Variants in AOAH observed in about 807,000 individuals in gnomAD.
AOAH encodes the protein acyloxyacyl hydrolase.
AOAH carries 64 observed loss-of-function variants against 92.2 expected under a neutral mutation model. The ratio of observed to expected loss-of-function variants is 0.69; its 90% confidence interval spans 0.57 to 0.86. The LOEUF is 0.86. Among genes scored for constraint, AOAH ranks in the 40% least tolerant of loss-of-function variants. The pLI is 0.00. For missense variants in AOAH, 656 were observed against 694.6 expected (o/e 0.94, Z 0.62); for synonymous variants, 263 against 254.5 (o/e 1.03, Z -0.32).
intron 19 of AOAH, among the ~76,000 whole-genome samples, chr7:36,523,432 T>G (rs1784213320): frequency 6.6e-6 from 1 of 152,220 alleles, no homozygotes; most frequent in Non-Finnish European, 1.5e-5. Context: ...GGTAGGTACC[T>G]GCTCTTCTAA....
intron 1 of AOAH, among the ~76,000 whole-genome samples, chr7:36,717,904 G>T (rs760248959): frequency 1.3e-5 from 2 of 151,180 alleles, no homozygotes; most frequent in Non-Finnish European, 2.9e-5. Context: ...TTAAAATATA[G>T]GTCTTAGATA....
intron 13 of AOAH, among the ~76,000 whole-genome samples, chr7:36,570,263 TA>T (rs11311392): frequency 0.088 from 13,433 of 152,250 alleles, 707 homozygotes; most frequent in Admixed American, 0.14. Flanking sequence ...AATCCGGCAG[TA>T]TTCGTCCTTC....
At chr7:36,610,118 T>C (rs2115849217) in intron 11 of AOAH, among the ~76,000 whole-genome samples, 1 of 121,072 alleles carries the variant, frequency 8.3e-6, no homozygotes, top group South Asian at 2.5e-4. Flanking sequence ...TTTCTTTTTT[T>C]CTTTTTTCTT....
At chr7:36,536,571 G>A (rs1785072243) in intron 16 of AOAH, among the ~76,000 whole-genome samples, 1 of 152,286 alleles carries the variant, frequency 6.6e-6, no homozygotes, top group South Asian at 2.1e-4. Flanking sequence ...TTTGGAGTGA[G>A]AGCAGAAGAG....
chr7:36,556,976 C>G (rs1345548096), intron 13 of AOAH, among the ~76,000 whole-genome samples: 3 of 151,544 alleles, frequency 2.0e-5, no homozygotes, highest in Non-Finnish European at 3.0e-5. Context: ...AGCATTTAGT[C>G]CATTTACATT....
chr7:36,522,238 C>T (rs1784143501), intron 19 of AOAH, 123 bp from the exon 20 acceptor site: 1 of 716,306 alleles, frequency 1.4e-6, no homozygotes. Flanking sequence ...CCACGGCTGC[C>T]TCTGAGCTGC....
At chr7:36,701,256 T>C (rs570291228) in intron 1 of AOAH, among the ~76,000 whole-genome samples, 18 of 152,034 alleles carry the variant, frequency 1.2e-4, no homozygotes, top group African/African-American at 3.6e-4. Context: ...GAATACTTTG[T>C]TGTCATTGAA....
chr7:36,539,573 G>C (rs1014483120), intron 16 of AOAH, among the ~76,000 whole-genome samples: 1 of 152,174 alleles, frequency 6.6e-6, no homozygotes, highest in Non-Finnish European at 1.5e-5. Context: ...ATAGTGCCTG[G>C]CACATAGTTG....
At chr7:36,669,072 T>G (rs148163346) in intron 3 of AOAH, among the ~76,000 whole-genome samples, 1 of 152,288 alleles carries the variant, frequency 6.6e-6, no homozygotes, top group Non-Finnish European at 1.5e-5. Flanking sequence ...GTTATCATCA[T>G]AAATCTAAAG....
chr7:36,549,534 A>C (rs897648983), intron 13 of AOAH, 59 bp from the exon 14 acceptor site: 2 of 1,184,956 alleles, frequency 1.7e-6, no homozygotes, highest in African/African-American at 1.5e-5. Flanking sequence ...CACACTATCA[A>C]TATGGGAGTC....
intron 1 of AOAH, among the ~76,000 whole-genome samples, chr7:36,717,468 T>C (rs554890023): frequency 6.6e-6 from 1 of 151,850 alleles, no homozygotes; most frequent in Non-Finnish European, 1.5e-5. Flanking sequence ...TGAACACACT[T>C]CTGCGGGCTG....
intron 12 of AOAH, among the ~76,000 whole-genome samples, chr7:36,583,723 T>A (rs1425073672): frequency 6.6e-6 from 1 of 152,252 alleles, no homozygotes; most frequent in African/African-American, 2.4e-5. Flanking sequence ...CAATAATTCA[T>A]GAGCTGCTGG....
chr7:36,707,271 G>T (rs1041514660), intron 1 of AOAH, among the ~76,000 whole-genome samples: 2 of 151,948 alleles, frequency 1.3e-5, no homozygotes. Flanking sequence ...GGGAGAGATG[G>T]GGAAATAGCT....
Position 36,690,688 on chromosome 7 carries a change from C to T in AOAH, c.128-3894G>A, listed in dbSNP as rs189936028. On this transcript the variant is annotated intron_variant, in intron 1 of 20. Coordinates refer to ENST00000617537, the MANE Select transcript of AOAH (RefSeq NM_001637.4). ...TCATTTAGGAAGTGAGAAGAGGGGG[C>T]GAGAGCTATGCATTTTGCTCAGTGG... 3.9e-5 allele frequency among the ~76,000 whole-genome samples: 6 copies of T among 152,174 alleles called. No individual in the cohort carries two copies. The East Asian group carries it at 7.7e-4, about 20-fold the overall frequency.
intron 1 of AOAH, among the ~76,000 whole-genome samples, chr7:36,707,896 G>A (rs570370121): frequency 6.6e-6 from 1 of 151,652 alleles, no homozygotes; most frequent in Non-Finnish European, 1.5e-5. Context: ...CTGTTTCCCA[G>A]GCTCAAGAGA....
chr7:36,704,320 A>G (rs949296250), intron 1 of AOAH, among the ~76,000 whole-genome samples: 22 of 152,018 alleles, frequency 1.4e-4, no homozygotes, highest in African/African-American at 5.1e-4. Flanking sequence ...CACTCTGATG[A>G]CAGTTTCTCT....
chr7:36,705,504 A>G (rs954834586), intron 1 of AOAH, among the ~76,000 whole-genome samples: 1 of 152,180 alleles, frequency 6.6e-6, no homozygotes, highest in Non-Finnish European at 1.5e-5. Context: ...AAATGGAAAA[A>G]CATTCCATGC....
At chr7:36,624,469 G>T (rs1792492635) in intron 6 of AOAH, among the ~76,000 whole-genome samples, 1 of 152,212 alleles carries the variant, frequency 6.6e-6, no homozygotes. Flanking sequence ...CAGCTTACAG[G>T]CCTCTTTGGT....
At chr7:36,570,706 A>T (rs2116580453) in intron 13 of AOAH, among the ~76,000 whole-genome samples, 1 of 152,286 alleles carries the variant, frequency 6.6e-6, no homozygotes, top group Non-Finnish European at 1.5e-5. Context: ...GTGAGGTGAT[A>T]TCTCGTCGTG....
Sources: allele counts gnomAD v4.1 joint callset (sites outside exome capture counted in the v4.1 genomes callset), GRCh38; gene constraint gnomAD v4.1.1; transcripts MANE v1.5; gene names NCBI Gene and HGNC (gene_info 2026-07-23, HGNC 2026-07-21).